The following MAMLD1 variants were observed in gnomAD, a reference collection of about 807,000 sequenced individuals.
The protein encoded by MAMLD1 is mastermind like domain containing 1, also known as mastermind-like domain-containing protein 1.
Under a neutral mutation model 45.0 loss-of-function variants are expected in MAMLD1, and 14 were observed. The ratio of observed to expected loss-of-function variants is 0.31; its 90% CI spans 0.21 to 0.49. The LOEUF (loss-of-function observed/expected upper bound fraction) is 0.49, where lower values mean the gene tolerates loss of function less well. Among genes scored for constraint, MAMLD1 ranks in the 20% least tolerant of loss-of-function variants. The pLI, the probability that MAMLD1 is intolerant of heterozygous loss-of-function variation, is 0.99. For missense variants in MAMLD1, 543 were observed against 603.6 expected, an observed-to-expected ratio of 0.90 and a Z score of 1.05; for synonymous variants, 254 against 247.8, an observed-to-expected ratio of 1.02 and a Z score of -0.24.
Position 150,486,493 on chromosome X carries a change from A to G in MAMLD1, c.2040+12691A>G, listed in dbSNP as rs368518552. ...TGGTATGGGCCAAACGAAGCTGCCTAAATGAAAATGGGGAAAGGTGTCAAG... is the reference window on the plus strand; with the variant it reads ...TGGTATGGGCCAAACGAAGCTGCCTGAATGAAAATGGGGAAAGGTGTCAAG... On this transcript the variant is annotated intron_variant, in intron 5 of 7. Coordinates refer to ENST00000370401, the MANE Select transcript of MAMLD1 (RefSeq NM_005491.5). Among the ~76,000 whole-genome samples, 21 of 112,048 alleles carry G rather than the reference A, an allele frequency of 1.9e-4. 2 individuals are homozygous for G. In the East Asian group the frequency reaches 4.8e-3, roughly 25 times the overall value.
intron 5 of MAMLD1, among the ~76,000 whole-genome samples, chrX:150,489,560 C>T (rs2037108413): frequency 1.9e-5 from 2 of 105,536 alleles, no homozygotes; most frequent in African/African-American, 3.5e-5. Context: ...AAAGTAATTG[C>T]GGTTTTTACC....
intron 1 of MAMLD1, among the ~76,000 whole-genome samples, chrX:150,409,277 T>G (rs12863588): frequency 8.9e-6 from 1 of 111,865 alleles, no homozygotes; most frequent in African/African-American, 3.3e-5. Context: ...TTGTGCTCCA[T>G]GCGCCAGTTC....
Position 150,394,129 on chromosome X carries a change from C to CTTTTTTTTTTTTTTTTTTTTTTTTTTTTT in MAMLD1, c.-64+30624_-64+30625insTTTTTTTTTTTTTTTTTTTTTTTTTTTTT, listed in dbSNP as rs781904160. 7.3e-4 allele frequency among the ~76,000 whole-genome samples: 9 copies of CTTTTTTTTTTTTTTTTTTTTTTTTTTTTT among 12,265 alleles called. 2 individuals are homozygous for CTTTTTTTTTTTTTTTTTTTTTTTTTTTTT. The highest frequency in any genetic ancestry group is 1.4e-3 in the African/African-American group (4 of 2,777). The allele number at this position is 12,265 out of a possible 115,157, so 10.7% of individuals were successfully genotyped here. A position where few individuals can be genotyped will look rare whatever the true frequency, so the allele number is the denominator to read the frequency against. On this transcript the variant is annotated intron_variant, in intron 1 of 7. Transcript: ENST00000370401. ...GGGGTGTAAGGTCTATATCTACATC[C>CTTTTTTTTTTTTTTTTTTTTTTTTTTTTT]TTTTTTTTTTTTTTTTTTTTTTTTT...
chrX:150,407,386 A>G (rs1435401884), intron 1 of MAMLD1, among the ~76,000 whole-genome samples: 4 of 112,236 alleles, frequency 3.6e-5, no homozygotes, highest in Non-Finnish European at 7.5e-5. Context: ...TGTAAATACT[A>G]CTGTGGTTTG....
intron 1 of MAMLD1, among the ~76,000 whole-genome samples, chrX:150,368,039 T>G (rs1277196528): frequency 9.1e-6 from 1 of 110,250 alleles, no homozygotes; most frequent in Non-Finnish European, 1.9e-5. Flanking sequence ...TGTGTCTTTA[T>G]AGCAGCATGA....
intron 2 of MAMLD1, among the ~76,000 whole-genome samples, chrX:150,448,917 C>A (rs1490068442): frequency 8.9e-6 from 1 of 111,872 alleles, no homozygotes; most frequent in Non-Finnish European, 1.9e-5. Context: ...CAGCTCGGAG[C>A]AGGTACCTAT....
chrX:150,424,858 A>G (rs973997323), intron 1 of MAMLD1, among the ~76,000 whole-genome samples: 18 of 111,851 alleles, frequency 1.6e-4, no homozygotes, highest in African/African-American at 5.9e-4. Flanking sequence ...ATCACCCTCA[A>G]AAGAAACCCT....
At chrX:150,452,961 T>C (rs17318791) in intron 2 of MAMLD1, among the ~76,000 whole-genome samples, 4,192 of 110,775 alleles carry the variant, frequency 0.038, 79 homozygotes, top group Non-Finnish European at 0.06. Context: ...GGGCGCACAA[T>C]GAGAAGTGAA....
rs145721823 is a variant in MAMLD1 at position 150,410,526 on chromosome X, A to C, written c.-63-34928A>C. The stretch of plus-strand genomic sequence containing the variant: ...CTGCACCATGACAATGTTTCACTCC[A>C]TCCAGCAGCTATCATCACAGTGGCC... On this transcript the variant is annotated intron_variant, in intron 1 of 7. Coordinates refer to ENST00000370401, the MANE Select transcript of MAMLD1 (RefSeq NM_005491.5). 4.7e-3 allele frequency among the ~76,000 whole-genome samples: 531 copies of C among 111,833 alleles called. 4 individuals are homozygous for C. Among genetic ancestry groups the C allele is most frequent in the African/African-American group, 0.016 (507 of 30,790 alleles).
chrX:150,398,329 G>GAAGAAGAAGA (rs2033579955), intron 1 of MAMLD1, among the ~76,000 whole-genome samples: 9 of 83,902 alleles, frequency 1.1e-4, no homozygotes, highest in African/African-American at 4.0e-4. Context: ...AGAAGAAGAA[G>GAAGAAGAAGA]AAGAAGAAGA....
intron 1 of MAMLD1, among the ~76,000 whole-genome samples, chrX:150,440,816 T>C (rs782219320): frequency 1.9e-5 from 2 of 105,488 alleles, no homozygotes; most frequent in Admixed American, 2.1e-4. Context: ...TTCTCTATTG[T>C]TTTTCTCTCT....
chrX:150,371,267 G>C (rs782640052), intron 1 of MAMLD1, among the ~76,000 whole-genome samples: 1 of 111,361 alleles, frequency 9.0e-6, no homozygotes, highest in South Asian at 3.8e-4. Flanking sequence ...CCAGTAAGTG[G>C]ATTTTGGGAA....
chrX:150,494,140 A>G (rs1385267823), intron 5 of MAMLD1, among the ~76,000 whole-genome samples: 2 of 112,231 alleles, frequency 1.8e-5, no homozygotes, highest in African/African-American at 3.2e-5. Flanking sequence ...TCAAGCCTGT[A>G]ATCCCAGCAC....
At chrX:150,384,374 C>G (rs1371441006) in intron 1 of MAMLD1, among the ~76,000 whole-genome samples, 3 of 112,059 alleles carry the variant, frequency 2.7e-5, no homozygotes, top group Non-Finnish European at 5.6e-5. Context: ...TGATTTTGAG[C>G]ATCTTTTCAC....
intron 2 of MAMLD1, among the ~76,000 whole-genome samples, chrX:150,454,674 A>T (rs2035783124): frequency 9.0e-6 from 1 of 111,232 alleles, no homozygotes; most frequent in African/African-American, 3.3e-5. Flanking sequence ...AACAAGAATG[A>T]AATATACTGT....
At chrX:150,474,321 T>A (rs1557406743) in intron 5 of MAMLD1, among the ~76,000 whole-genome samples, 1 of 112,909 alleles carries the variant, frequency 8.9e-6, no homozygotes, top group African/African-American at 3.2e-5. Flanking sequence ...CATGGGGCAC[T>A]GCCTCTGTAG....
chrX:150,471,610 A>T, intron 4 of MAMLD1, 120 bp downstream of exon 4: 1 of 1,080,846 alleles, frequency 9.3e-7, no homozygotes, highest in East Asian at 3.1e-5. Context: ...GAGACTGGAA[A>T]AGACTCTGAA....
chrX:150,388,143 T>C (rs1031731727), intron 1 of MAMLD1, among the ~76,000 whole-genome samples: 6 of 111,884 alleles, frequency 5.4e-5, no homozygotes, highest in Admixed American at 9.5e-5. Context: ...TGAAACCATC[T>C]AGGTATGGAT....
At chrX:150,497,916 G>T (rs2037436800) in intron 5 of MAMLD1, among the ~76,000 whole-genome samples, 1 of 110,965 alleles carries the variant, frequency 9.0e-6, no homozygotes, top group African/African-American at 3.3e-5. Flanking sequence ...GGTGATCATG[G>T]GCAGGTCGCT....
Sources: allele counts gnomAD v4.1 joint callset (sites outside exome capture counted in the v4.1 genomes callset), GRCh38; gene constraint gnomAD v4.1.1; transcripts MANE v1.5; gene names NCBI Gene and HGNC (gene_info 2026-07-23, HGNC 2026-07-21).